MACROD1: variants seen among roughly 807,000 people sequenced by gnomAD.
MACROD1 encodes the protein mono-ADP ribosylhydrolase 1, also known as ADP-ribose glycohydrolase MACROD1.
MACROD1 carries 31 observed loss-of-function variants against 41.4 expected under a neutral mutation model. The observed-to-expected ratio is 0.75, with a 90% CI of 0.56 to 1.01. MACROD1 has a LOEUF of 1.01. Ranked by LOEUF, MACROD1 falls within the 50% of genes least tolerant of loss-of-function variation. The pLI, the probability that MACROD1 is intolerant of heterozygous loss-of-function variation, is 0.00. For synonymous variants in MACROD1, 252 were observed against 203.4 expected (o/e 1.24, Z -2.03); for missense variants, 473 against 460.0 (o/e 1.03, Z -0.26).
chr11:64,166,105 G>T lies in MACROD1; in HGVS notation c.-111C>A, dbSNP rs992784324. The T allele has an allele frequency of 1.7e-6, 2 of 1,167,438 alleles. 1 individual carries two copies. The highest frequency in any genetic ancestry group is 6.4e-5 in the East Asian group (2 of 31,050). The allele number at this position is 1,167,438 out of a possible 1,614,324, so 72.3% of individuals were successfully genotyped here. A position where few individuals can be genotyped will look rare whatever the true frequency, so the allele number is the denominator to read the frequency against. ...CGGGTGGCGACTGCCAGCCAGCGGC[G>T]ACCTGCTCGGAGCCAGCGGGAGGCG... On this transcript the variant is annotated 5_prime_UTR_variant, in exon 1 of 11. Transcript: ENST00000255681.
chr11:64,043,347 C>A (rs1311036048), intron 3 of MACROD1, among the ~76,000 whole-genome samples: 8 of 152,206 alleles, frequency 5.3e-5, no homozygotes, highest in Non-Finnish European at 1.5e-5. Flanking sequence ...GGACCCCACC[C>A]TCTCTGGCAG....
chr11:64,078,881 G>C (rs1051679313), intron 3 of MACROD1, among the ~76,000 whole-genome samples: 1 of 152,234 alleles, frequency 6.6e-6, no homozygotes, highest in Admixed American at 6.5e-5. Context: ...AGGGGACAGC[G>C]AGAACTCAGA....
In MACROD1 at chr11:64,117,899, C is replaced by T. The variant is rs142685980; in HGVS notation, c.517+33340G>A. 6.8e-5 allele frequency: 109 copies of T among 1,613,898 alleles called. No homozygotes were observed. Among genetic ancestry groups the T allele is most frequent in the Middle Eastern group, 3.3e-4 (2 of 6,062 alleles). On this transcript the variant is annotated intron_variant, in intron 3 of 10. Coordinates refer to ENST00000255681, the MANE Select transcript of MACROD1 (RefSeq NM_014067.4). ...CCACCACACTCAACCAGGAGCAGAA[C>T]GCTGGCCCCATGGCGAGCCTGCCCC... is the stretch of plus-strand genomic sequence containing the variant.
intron 3 of MACROD1, among the ~76,000 whole-genome samples, chr11:64,106,296 C>T (rs553016932): frequency 6.6e-6 from 1 of 152,038 alleles, no homozygotes; most frequent in African/African-American, 2.4e-5. Flanking sequence ...GTCACCATGA[C>T]GTCCTGGGGT....
At chr11:64,007,514 C>T (rs540860941) in intron 4 of MACROD1, among the ~76,000 whole-genome samples, 132 of 152,210 alleles carry the variant, frequency 8.7e-4, no homozygotes, top group African/African-American at 3.0e-3. Flanking sequence ...AGGAACAGGC[C>T]GGCGGGTGAG....
At chr11:64,007,631 T>A (rs1344033258) in intron 4 of MACROD1, among the ~76,000 whole-genome samples, 1 of 152,046 alleles carries the variant, frequency 6.6e-6, no homozygotes, top group African/African-American at 2.4e-5. Flanking sequence ...TGAAGGGACG[T>A]GTTCTGGTTC....
chr11:64,116,629 T>A (rs1565241078), intron 3 of MACROD1: 1 of 1,614,052 alleles, frequency 6.2e-7, no homozygotes, highest in Non-Finnish European at 8.5e-7. Flanking sequence ...CTGGATGAGT[T>A]CCCCATCAAC....
intron 3 of MACROD1, among the ~76,000 whole-genome samples, chr11:64,029,032 C>T (rs933249648): frequency 5.3e-5 from 8 of 152,226 alleles, no homozygotes; most frequent in Non-Finnish European, 7.4e-5. Flanking sequence ...GGCACCCCAC[C>T]TCAGACTCTC....
chr11:64,124,923 G>A (rs551000166), intron 3 of MACROD1, among the ~76,000 whole-genome samples: 1 of 152,188 alleles, frequency 6.6e-6, no homozygotes, highest in Admixed American at 6.5e-5. Context: ...CAGGTGATCC[G>A]CCCACCTTGG....
intron 3 of MACROD1, among the ~76,000 whole-genome samples, chr11:64,108,745 G>A (rs1466379204): frequency 6.6e-6 from 1 of 152,214 alleles, no homozygotes; most frequent in Admixed American, 6.5e-5. Flanking sequence ...GCATGGCAAG[G>A]TTTAGGGGAG....
At chr11:64,155,417 G>C (rs2134716530) in intron 1 of MACROD1, among the ~76,000 whole-genome samples, 1 of 152,342 alleles carries the variant, frequency 6.6e-6, no homozygotes, top group Non-Finnish European at 1.5e-5. Context: ...GTCCCGCCAG[G>C]TTTGGGTTCG....
intron 3 of MACROD1, among the ~76,000 whole-genome samples, chr11:64,114,561 AT>A (rs1944939349): frequency 6.8e-6 from 1 of 146,870 alleles, no homozygotes; most frequent in Admixed American, 6.8e-5. Context: ...GGATGGATGG[AT>A]GGATGGATGG....
In MACROD1 at chr11:64,019,418, C is replaced by T. The variant is rs531975222; in HGVS notation, c.518-4137G>A. 3.3e-5 allele frequency among the ~76,000 whole-genome samples: 5 copies of T among 152,366 alleles called. No homozygotes were observed. The South Asian group carries it at 1.0e-3, about 32-fold the overall frequency. On this transcript the variant is annotated intron_variant, in intron 3 of 10. Coordinates refer to ENST00000255681, the MANE Select transcript of MACROD1 (RefSeq NM_014067.4). ...CCACACACCCCTCCTCCCGGCCCTC[C>T]TCTGCCCCAGCACTTGCTGTCCCTG...
chr11:64,049,428 C>T (rs73498145), intron 3 of MACROD1, among the ~76,000 whole-genome samples: 2,758 of 152,288 alleles, frequency 0.018, 75 homozygotes, highest in African/African-American at 0.06. Context: ...GCGCTGGGCC[C>T]AGTTCTGAGC....
chr11:64,068,229 C>T (rs940290739), intron 3 of MACROD1, among the ~76,000 whole-genome samples: 7 of 152,224 alleles, frequency 4.6e-5, no homozygotes, highest in African/African-American at 1.7e-4. Context: ...GGCACCTCCA[C>T]GCGGTGTCAG....
At chr11:64,084,599 A>G (rs1479659683) in intron 3 of MACROD1, among the ~76,000 whole-genome samples, 5 of 152,236 alleles carry the variant, frequency 3.3e-5, no homozygotes, top group Non-Finnish European at 7.3e-5. Flanking sequence ...ATGGGTGGAC[A>G]GTACCCACTT....
At chr11:64,114,343 T>TGATGGGTGGATGGTGGACA (rs1944929453) in intron 3 of MACROD1, among the ~76,000 whole-genome samples, 1 of 136,252 alleles carries the variant, frequency 7.3e-6, no homozygotes, top group African/African-American at 2.9e-5. Flanking sequence ...AGTAGATACA[T>TGATGGGTGGATGGTGGACA]GATGGATGGA....
In MACROD1 at chr11:64,067,394, T is replaced by C. The variant is rs1413243470; in HGVS notation, c.518-52113A>G. Among the ~76,000 whole-genome samples, 5 of 151,962 alleles carry C rather than the reference T, an allele frequency of 3.3e-5. No homozygotes were observed. Among genetic ancestry groups the C allele is most frequent in the Non-Finnish European group, 5.9e-5 (4 of 67,978 alleles). ...TGCTGACGTGAAAATGAAATATAGA[T>C]TCAATACCTGAGCCTTTCAGCTCAC... is the stretch of plus-strand genomic sequence containing the variant. On this transcript the variant is annotated intron_variant, in intron 3 of 10. Coordinates refer to ENST00000255681, the MANE Select transcript of MACROD1 (RefSeq NM_014067.4). The surrounding 1 kb of genome is among the most constrained non-coding windows in gnomAD (Gnocchi z 4.6).
chr11:64,127,677 C>T (rs752130172), intron 3 of MACROD1, among the ~76,000 whole-genome samples: 2 of 152,192 alleles, frequency 1.3e-5, no homozygotes, highest in Non-Finnish European at 2.9e-5. Flanking sequence ...ACGTAGACTC[C>T]GAGGGGTCTC....
Sources: allele counts gnomAD v4.1 joint callset (sites outside exome capture counted in the v4.1 genomes callset), GRCh38; gene constraint gnomAD v4.1.1; non-coding constraint Gnocchi (gnomAD v3.1); transcripts MANE v1.5; gene names NCBI Gene and HGNC (gene_info 2026-07-23, HGNC 2026-07-21).